The following DPP6 variants were observed in gnomAD, a reference collection of about 807,000 sequenced individuals.
The protein encoded by DPP6 is dipeptidyl peptidase like 6, also known as A-type potassium channel modulatory protein DPP6.
DPP6 carries 69 observed loss-of-function variants against 122.6 expected under a neutral mutation model. The observed-to-expected ratio is 0.56, with a 90% CI of 0.46 to 0.69. The LOEUF is 0.69. Among genes scored for constraint, DPP6 ranks in the 30% least tolerant of loss-of-function variants. The probability of loss-of-function intolerance (pLI) is 0.00; values close to 1 mark genes in which losing one functional copy is unlikely to be tolerated. For missense variants in DPP6, 928 were observed against 1,116.9 expected (o/e 0.83, Z 2.41); for synonymous variants, 418 against 433.1 (o/e 0.97, Z 0.43).
At chr7:154,246,964 T>C (rs1321611351) in intron 1 of DPP6, among the ~76,000 whole-genome samples, 1 of 152,198 alleles carries the variant, frequency 6.6e-6, no homozygotes, top group Non-Finnish European at 1.5e-5. Flanking sequence ...AAAAAATTGA[T>C]CAATTGGACT....
chr7:154,770,951 G>A (rs1463761655), intron 9 of DPP6, among the ~76,000 whole-genome samples: 1 of 152,346 alleles, frequency 6.6e-6, no homozygotes, highest in Admixed American at 6.5e-5. Flanking sequence ...AAGACCCCTG[G>A]GCTTGGTGGA....
At chr7:154,735,201 C>T (rs1842516963) in intron 8 of DPP6, among the ~76,000 whole-genome samples, 1 of 152,158 alleles carries the variant, frequency 6.6e-6, no homozygotes, top group African/African-American at 2.4e-5. Context: ...TCTTCAAGAG[C>T]CTTCTGTCCA....
At chr7:154,475,424 T>C in intron 3 of DPP6, 1 of 285,364 alleles carries the variant, frequency 3.5e-6, no homozygotes, top group South Asian at 3.5e-5. Context: ...TTCCCCTTTG[T>C]TCTCTTGCTC....
chr7:154,681,033 G>A lies in DPP6; in HGVS notation c.762+11592G>A, dbSNP rs115632571. 7.9e-5 allele frequency among the ~76,000 whole-genome samples: 12 copies of A among 152,086 alleles called. No homozygotes were observed. The East Asian group carries it at 9.7e-4, about 12-fold the overall frequency. ...ATAAGTCATCATCGTATACACTTAC[G>A]GGATACAAGAGGACTATAGTCAATA... is the stretch of plus-strand genomic sequence containing the variant. On this transcript the variant is annotated intron_variant, in intron 7 of 25. Transcript: ENST00000377770.
intron 1 of DPP6, among the ~76,000 whole-genome samples, chr7:154,043,554 C>T (rs1384428939): frequency 2.7e-5 from 4 of 150,442 alleles, no homozygotes; most frequent in South Asian, 2.1e-4. Context: ...CTCATGAGTT[C>T]GGTATTCCAT....
At chr7:154,085,748 G>C (rs1016585988) in intron 1 of DPP6, among the ~76,000 whole-genome samples, 6 of 152,042 alleles carry the variant, frequency 3.9e-5, no homozygotes, top group African/African-American at 1.4e-4. Context: ...TATTTTTTGA[G>C]ATGGAGTCTC....
chr7:154,667,884 A>T (rs961692070), intron 6 of DPP6, among the ~76,000 whole-genome samples: 1 of 151,868 alleles, frequency 6.6e-6, no homozygotes, highest in Non-Finnish European at 1.5e-5. Flanking sequence ...CTCTACCCTC[A>T]GGCTTCCTGG....
intron 6 of DPP6, among the ~76,000 whole-genome samples, chr7:154,664,820 G>T (rs1339595615): frequency 6.6e-6 from 1 of 152,060 alleles, no homozygotes; most frequent in Non-Finnish European, 1.5e-5. Flanking sequence ...ACACAGAAAA[G>T]TTGCAAAAGT....
Position 154,155,047 on chromosome 7 carries a change from G to A in DPP6, c.243+101984G>A, listed in dbSNP as rs577232622. ...GGGTATTTACAATCCCTCGATCCTT[G>A]CCTGATTGGTTTTCCATAGGCAGGG... On this transcript the variant is annotated intron_variant, in intron 1 of 25. Transcript: ENST00000377770. Among the ~76,000 whole-genome samples the A allele has an allele frequency of 4.0e-3, 608 of 152,234 alleles. 3 individuals are homozygous for A. Among genetic ancestry groups the A allele is most frequent in the African/African-American group, 0.014 (582 of 41,546 alleles).
intron 1 of DPP6, among the ~76,000 whole-genome samples, chr7:154,377,023 T>TTAA (rs1813188077): frequency 6.6e-6 from 1 of 152,076 alleles, no homozygotes; most frequent in African/African-American, 2.4e-5. Flanking sequence ...ACAAGTCAAA[T>TTAA]TAATAATAAT....
intron 6 of DPP6, among the ~76,000 whole-genome samples, chr7:154,644,028 G>A (rs1836287155): frequency 6.6e-6 from 1 of 152,204 alleles, no homozygotes; most frequent in Admixed American, 6.5e-5. Context: ...GACTCAGCAT[G>A]GGTAGGCATA....
At chr7:154,695,824 A>C (rs553757795) in intron 7 of DPP6, among the ~76,000 whole-genome samples, 4 of 152,232 alleles carry the variant, frequency 2.6e-5, no homozygotes, top group African/African-American at 9.6e-5. Context: ...TCCTGCAGAC[A>C]CTCTGGACAG....
At chr7:154,831,168 A>T (rs924745786) in intron 16 of DPP6, among the ~76,000 whole-genome samples, 6 of 152,210 alleles carry the variant, frequency 3.9e-5, no homozygotes, top group Admixed American at 2.6e-4. Context: ...ACCACACAGG[A>T]TGAATCCACA....
At chr7:154,628,204 G>T (rs1835202728) in intron 5 of DPP6, among the ~76,000 whole-genome samples, 1 of 152,182 alleles carries the variant, frequency 6.6e-6, no homozygotes, top group Non-Finnish European at 1.5e-5. Context: ...CCTTTTCAGT[G>T]TTGAAGTATT....
At chr7:154,016,348 C>T (rs1327804630) in intron 1 of DPP6, among the ~76,000 whole-genome samples, 1 of 508 alleles carries the variant, frequency 2.0e-3, no homozygotes, top group East Asian at 0.062. Context: ...AGTTAGGAAG[C>T]ATTATATAAC....
At chr7:154,779,722 T>A (rs1167133071) in intron 10 of DPP6, among the ~76,000 whole-genome samples, 1 of 152,176 alleles carries the variant, frequency 6.6e-6, no homozygotes, top group Admixed American at 6.6e-5. Flanking sequence ...GTTGGGGTTG[T>A]TCAGACATCT....
chr7:154,805,606 A>G (rs1204002212), intron 15 of DPP6, among the ~76,000 whole-genome samples: 1 of 152,236 alleles, frequency 6.6e-6, no homozygotes, highest in Non-Finnish European at 1.5e-5. Context: ...CAACAGCCCA[A>G]CTGTGCGACT....
upstream of DPP6, among the ~76,000 whole-genome samples, chr7:153,884,987 AATATATATATATATATATAT>A (rs56329841): frequency 3.0e-4 from 35 of 116,466 alleles, 1 homozygote; most frequent in African/African-American, 9.3e-4. Context: ...TCAAAACAAA[AATATATATATATATATATAT>A]ATATATATAT....
intron 1 of DPP6, among the ~76,000 whole-genome samples, chr7:154,275,087 C>T (rs558346228): frequency 1.3e-3 from 204 of 152,366 alleles, no homozygotes; most frequent in Non-Finnish European, 2.4e-3. Context: ...TTGGCACTTC[C>T]GGCACGCTGC....
Sources: allele counts gnomAD v4.1 joint callset (sites outside exome capture counted in the v4.1 genomes callset), GRCh38; gene constraint gnomAD v4.1.1; transcripts MANE v1.5; gene names NCBI Gene and HGNC (gene_info 2026-07-23, HGNC 2026-07-21).